Variants in C1orf21 observed in about 807,000 individuals in gnomAD.
The protein encoded by C1orf21 is chromosome 1 open reading frame 21, also known as uncharacterized protein C1orf21.
C1orf21 carries 3 observed loss-of-function variants against 18.7 expected under a neutral mutation model. The ratio of observed to expected loss-of-function variants is 0.16; its 90% CI spans 0.07 to 0.42. C1orf21 has a LOEUF of 0.42. Among genes scored for constraint, C1orf21 ranks in the 10% least tolerant of loss-of-function variants. The pLI is 0.99. For synonymous variants in C1orf21, 41 were observed against 46.4 expected, an observed-to-expected ratio of 0.88 and a Z score of 0.47; for missense variants, 104 against 143.6, an observed-to-expected ratio of 0.72 and a Z score of 1.41.
chr1:184,410,688 G>T (rs1656337047), intron 1 of C1orf21, among the ~76,000 whole-genome samples: 1 of 52,282 alleles, frequency 1.9e-5, no homozygotes, highest in Admixed American at 2.6e-4. Context: ...TTTTGAGATG[G>T]AGTTTCGCTC....
chr1:184,408,264 A>G (rs898192694), intron 1 of C1orf21: 1 of 152,240 alleles, frequency 6.6e-6, no homozygotes, highest in Non-Finnish European at 1.5e-5. Context: ...AAATTGCTCT[A>G]TTAAGACTGG....
chr1:184,482,907 T>C (rs1479492775), intron 2 of C1orf21, among the ~76,000 whole-genome samples: 2 of 152,162 alleles, frequency 1.3e-5, no homozygotes, highest in Non-Finnish European at 2.9e-5. Flanking sequence ...CCACAACAAA[T>C]GTGTGTGACA....
In C1orf21 at chr1:184,604,796, T is replaced by C. The variant is rs146745966; in HGVS notation, c.327+6335T>C. 7.1e-3 allele frequency among the ~76,000 whole-genome samples: 1,076 copies of C among 152,338 alleles called. 15 individuals carry two copies. The highest frequency in any genetic ancestry group is 0.024 in the African/African-American group (1,016 of 41,572). On this transcript the variant is annotated intron_variant, in intron 5 of 5. Transcript: ENST00000235307. ...TCCAGCTAACAGTAGTAGATGAGTCTGTCAAGGAAAATGAGTCAGGCAACA... is the reference window on the plus strand; with the variant it reads ...TCCAGCTAACAGTAGTAGATGAGTCCGTCAAGGAAAATGAGTCAGGCAACA...
At chr1:184,501,894 A>C (rs76081621) in intron 2 of C1orf21, among the ~76,000 whole-genome samples, 347 of 152,292 alleles carry the variant, frequency 2.3e-3, no homozygotes, top group African/African-American at 7.9e-3. Context: ...TCTAATAAGA[A>C]AAAAAGGGCA....
chr1:184,410,853 C>T (rs548254275), intron 1 of C1orf21, among the ~76,000 whole-genome samples: 45 of 147,672 alleles, frequency 3.0e-4, no homozygotes, highest in Middle Eastern at 3.4e-3. Flanking sequence ...GGTTTTGCCA[C>T]GTTGTCCAGG....
At chr1:184,440,348 T>A (rs1392514415) in intron 1 of C1orf21, among the ~76,000 whole-genome samples, 2 of 152,220 alleles carry the variant, frequency 1.3e-5, no homozygotes, top group Non-Finnish European at 2.9e-5. Flanking sequence ...GTCCAAGCAA[T>A]TCACCTGTCT....
intron 1 of C1orf21, among the ~76,000 whole-genome samples, chr1:184,447,337 GC>G (rs1657050148): frequency 6.6e-6 from 1 of 152,188 alleles, no homozygotes; most frequent in Non-Finnish European, 1.5e-5. Flanking sequence ...CTTTTTACCA[GC>G]CTTCCAAGTG....
At chr1:184,550,857 T>C (rs1408344827) in intron 3 of C1orf21, among the ~76,000 whole-genome samples, 2 of 152,140 alleles carry the variant, frequency 1.3e-5, no homozygotes, top group East Asian at 3.9e-4. Context: ...TTTGTAAAGA[T>C]GGATTTCCTG....
chr1:184,482,171 G>A (rs1051472311), intron 2 of C1orf21, among the ~76,000 whole-genome samples: 12 of 152,176 alleles, frequency 7.9e-5, no homozygotes, highest in African/African-American at 2.2e-4. Flanking sequence ...GTTCTCTCCC[G>A]GGCTCAGTCA....
At chr1:184,541,631 G>A (rs970890963) in intron 3 of C1orf21, among the ~76,000 whole-genome samples, 2 of 152,196 alleles carry the variant, frequency 1.3e-5, no homozygotes, top group African/African-American at 2.4e-5. Flanking sequence ...GTCCTCTGAG[G>A]ATGTTAAGAA....
Position 184,402,454 on chromosome 1 carries a change from C to A in C1orf21, c.-125+15086C>A, listed in dbSNP as rs141848713. Among the ~76,000 whole-genome samples, 319 of 152,080 alleles carry A rather than the reference C, an allele frequency of 2.1e-3. 2 individuals carry two copies. The highest frequency in any genetic ancestry group is 7.4e-3 in the African/African-American group (306 of 41,484). On this transcript the variant is annotated intron_variant, in intron 1 of 5. Coordinates refer to ENST00000235307, the MANE Select transcript of C1orf21 (RefSeq NM_030806.4). ...AGGGCAATATAATGAGACCTCATCT[C>A]TTCAGAAAAATTTTATAAACTTAGC...
At chr1:184,600,554 G>C (rs1329380303) in intron 5 of C1orf21, among the ~76,000 whole-genome samples, 1 of 152,112 alleles carries the variant, frequency 6.6e-6, no homozygotes, top group Non-Finnish European at 1.5e-5. Context: ...ATCCCCTTTT[G>C]CTTTTGCATC....
chr1:184,538,257 A>G lies in C1orf21; in HGVS notation c.189+30575A>G, dbSNP rs979046255. Among the ~76,000 whole-genome samples, 3 of 152,096 alleles carry G rather than the reference A, an allele frequency of 2.0e-5. No homozygotes were observed. In the East Asian group the frequency reaches 5.8e-4, roughly 29 times the overall value. ...TTTCATGTGCTTATTAGCCATTTGT[A>G]TATCTTCTTTGGAGAAATGTCTATT... On this transcript the variant is annotated intron_variant, in intron 3 of 5. Coordinates refer to ENST00000235307, the MANE Select transcript of C1orf21 (RefSeq NM_030806.4).
intron 1 of C1orf21, among the ~76,000 whole-genome samples, chr1:184,473,298 A>T (rs1450038327): frequency 6.6e-6 from 1 of 152,220 alleles, no homozygotes; most frequent in Non-Finnish European, 1.5e-5. Flanking sequence ...GGTAATAACA[A>T]CATGTGACAA....
chr1:184,566,516 A>T (rs1659038041), intron 3 of C1orf21: 1 of 301,428 alleles, frequency 3.3e-6, no homozygotes, highest in East Asian at 8.5e-5. Context: ...TTTGGATGGC[A>T]AGCATTAAGA....
chr1:184,538,313 G>T (rs1395425742), intron 3 of C1orf21, among the ~76,000 whole-genome samples: 1 of 151,980 alleles, frequency 6.6e-6, no homozygotes, highest in Non-Finnish European at 1.5e-5. Flanking sequence ...CAATTTAGTT[G>T]TTTGCTTCTT....
At chr1:184,514,078 CTTGAGGCCAGGACT>C (rs920550197) in intron 3 of C1orf21, among the ~76,000 whole-genome samples, 1 of 152,162 alleles carries the variant, frequency 6.6e-6, no homozygotes, top group Non-Finnish European at 1.5e-5. Context: ...GGGAGGATCA[CTTGAGGCCAGGACT>C]TTGAGGCCAG....
intron 1 of C1orf21, among the ~76,000 whole-genome samples, chr1:184,420,684 TG>T (rs1245719410): frequency 1.3e-5 from 2 of 152,298 alleles, no homozygotes; most frequent in African/African-American, 4.8e-5. Flanking sequence ...GGCATCAAAA[TG>T]TACTTTTATC....
Position 184,622,592 on chromosome 1 carries a change from A to G in C1orf21, c.*3036A>G, listed in dbSNP as rs2102015577. On this transcript the variant is annotated 3_prime_UTR_variant, in exon 6 of 6. Coordinates refer to ENST00000235307, the MANE Select transcript of C1orf21 (RefSeq NM_030806.4). ...AGCCCCAGGCTTGCAGAGAACACAG[A>G]GTGGTGTTGTGGTCTATTTAGGGAC... 1 of 152,764 alleles carries G rather than the reference A, an allele frequency of 6.5e-6. No homozygotes were observed. Among genetic ancestry groups the G allele is most frequent in the Middle Eastern group, 3.4e-3 (1 of 294 alleles). The allele number at this position is 152,764 out of a possible 1,614,324, so 9.5% of individuals were successfully genotyped here. A position where few individuals can be genotyped will look rare whatever the true frequency, so the allele number is the denominator to read the frequency against.
Sources: gnomAD v4.1 joint callset for allele counts (sites outside exome capture counted in the v4.1 genomes callset) on GRCh38, gnomAD v4.1.1 for gene constraint, MANE v1.5 for transcripts, NCBI Gene and HGNC (gene_info 2026-07-23, HGNC 2026-07-21) for gene names.